Variants in LSAMP observed in about 807,000 individuals in gnomAD.
LSAMP encodes the protein limbic system associated membrane protein.
LSAMP carries 7 observed loss-of-function variants against 38.6 expected under a neutral mutation model. The ratio of observed to expected loss-of-function variants is 0.18; its 90% CI spans 0.10 to 0.34. The LOEUF (loss-of-function observed/expected upper bound fraction) is 0.34. Ranked by LOEUF, LSAMP falls within the 10% of genes least tolerant of loss-of-function variation. LSAMP has a pLI of 1.00. For missense variants in LSAMP, 313 were observed against 420.0 expected (o/e 0.75, Z 2.23); for synonymous variants, 154 against 166.8 (o/e 0.92, Z 0.59).
intron 6 of LSAMP, among the ~76,000 whole-genome samples, chr3:115,817,994 T>A (rs968397773): frequency 5.3e-5 from 8 of 152,170 alleles, no homozygotes; most frequent in African/African-American, 1.7e-4. Flanking sequence ...TGAAAGGCAG[T>A]GTGGAGAATA....
At chr3:116,224,672 C>T (rs914426629) in intron 1 of LSAMP, among the ~76,000 whole-genome samples, 1 of 152,142 alleles carries the variant, frequency 6.6e-6, no homozygotes, top group South Asian at 2.1e-4. Context: ...AATTTAGACA[C>T]CTGAGAGAAA....
chr3:116,230,345 T>A (rs560954427), intron 1 of LSAMP, among the ~76,000 whole-genome samples: 1 of 152,166 alleles, frequency 6.6e-6, no homozygotes, highest in East Asian at 1.9e-4. Flanking sequence ...TTTTAGCACA[T>A]GAGATTGCTT....
At chr3:116,409,558 C>T (rs4831139) in intron 1 of LSAMP, among the ~76,000 whole-genome samples, 14,315 of 151,966 alleles carry the variant, frequency 0.094, 756 homozygotes, top group Middle Eastern at 0.15. Context: ...GCACTAATGG[C>T]GACTGGAAGG....
chr3:115,883,056 TA>T (rs1936362605), intron 3 of LSAMP, among the ~76,000 whole-genome samples: 1 of 152,008 alleles, frequency 6.6e-6, no homozygotes, highest in South Asian at 2.1e-4. Context: ...ATGAAGCAGA[TA>T]GATTGAAGGA....
chr3:116,009,719 C>T (rs754416559), intron 3 of LSAMP, among the ~76,000 whole-genome samples: 40 of 152,042 alleles, frequency 2.6e-4, no homozygotes, highest in Admixed American at 6.6e-4. Context: ...GCTCTTGTAA[C>T]GGGGGCTCCT....
At chr3:115,978,000 C>T (rs1167093126) in intron 3 of LSAMP, among the ~76,000 whole-genome samples, 2 of 152,048 alleles carry the variant, frequency 1.3e-5, no homozygotes, top group Non-Finnish European at 2.9e-5. Context: ...TTCCTCTCTT[C>T]CTCCTCTTCC....
chr3:115,857,241 A>G (rs1935535827), intron 3 of LSAMP, among the ~76,000 whole-genome samples: 1 of 152,172 alleles, frequency 6.6e-6, no homozygotes, highest in South Asian at 2.1e-4. Flanking sequence ...GAGTCACAAA[A>G]TTCTAAAATG....
At chr3:116,200,568 G>C (rs2045974471) in intron 1 of LSAMP, among the ~76,000 whole-genome samples, 1 of 152,154 alleles carries the variant, frequency 6.6e-6, no homozygotes, top group African/African-American at 2.4e-5. Context: ...CCAAACAGGA[G>C]ACACATAGCC....
At chr3:115,907,252 C>T (rs67554622) in intron 3 of LSAMP, among the ~76,000 whole-genome samples, 20,794 of 151,912 alleles carry the variant, frequency 0.14, 1,531 homozygotes, top group Middle Eastern at 0.21. Context: ...GTTTGTGTCC[C>T]GCATAAAATT....
intron 1 of LSAMP, among the ~76,000 whole-genome samples, chr3:116,167,011 T>A (rs938798501): frequency 6.6e-6 from 1 of 152,098 alleles, no homozygotes; most frequent in South Asian, 2.1e-4. Context: ...CAGGATGGTC[T>A]TGATCTCCTG....
intron 3 of LSAMP, among the ~76,000 whole-genome samples, chr3:115,971,121 T>C (rs1939005021): frequency 6.6e-6 from 1 of 152,136 alleles, no homozygotes; most frequent in Non-Finnish European, 1.5e-5. Context: ...AGGCAGCGCA[T>C]ATAGGGCTGG....
At chr3:115,819,211 C>T (rs756100035) in intron 6 of LSAMP, among the ~76,000 whole-genome samples, 1 of 151,850 alleles carries the variant, frequency 6.6e-6, no homozygotes, top group South Asian at 2.1e-4. Flanking sequence ...TTTGGGAGGC[C>T]GAGGTGGGCA....
At chr3:116,213,628 C>T (rs1182980310) in intron 1 of LSAMP, among the ~76,000 whole-genome samples, 1 of 152,104 alleles carries the variant, frequency 6.6e-6, no homozygotes, top group Non-Finnish European at 1.5e-5. Flanking sequence ...TGGAAACAAA[C>T]TAAATAGACA....
chr3:116,238,555 G>A (rs189205937), intron 1 of LSAMP, among the ~76,000 whole-genome samples: 56 of 152,222 alleles, frequency 3.7e-4, no homozygotes, highest in Non-Finnish European at 7.1e-4. Flanking sequence ...CCCAACTTGG[G>A]TGCAATATAT....
rs756149141 is a variant in LSAMP, at chr3:115,874,833, A to G, written c.515-22216T>C. Among the ~76,000 whole-genome samples, 4 of 152,264 alleles carry G rather than the reference A, an allele frequency of 2.6e-5. No individual in the cohort carries two copies. In the South Asian group the frequency reaches 6.2e-4, roughly 24 times the overall value. On this transcript the variant is annotated intron_variant, in intron 3 of 6. Coordinates refer to ENST00000490035, the MANE Select transcript of LSAMP (RefSeq NM_002338.5). ...AGGTTAAGAAGGATCACCTAAGAAA[A>G]AGCCACTGAAGTGGAGATCCAAAGG... is the stretch of plus-strand genomic sequence containing the variant.
At chr3:115,979,340 C>T (rs1227592101) in intron 3 of LSAMP, among the ~76,000 whole-genome samples, 1 of 151,994 alleles carries the variant, frequency 6.6e-6, no homozygotes, top group Non-Finnish European at 1.5e-5. Flanking sequence ...AGTCTAAGGG[C>T]TCTAGTTTAT....
Position 116,240,651 on chromosome 3 carries a change from G to T in LSAMP, c.156-154095C>A, listed in dbSNP as rs189100368. The stretch of plus-strand genomic sequence containing the variant: ...GCACCAATTGTAGAAGTTGCATCAA[G>T]AATTTTTTAACCTCATGTCCATGGA... On this transcript the variant is annotated intron_variant, in intron 1 of 6. Transcript: ENST00000490035. Among the ~76,000 whole-genome samples the T allele has an allele frequency of 9.7e-4, 148 of 152,240 alleles. 1 individual carries two copies. The highest frequency in any genetic ancestry group is 1.9e-3 in the Non-Finnish European group (131 of 68,028).
intron 1 of LSAMP, among the ~76,000 whole-genome samples, chr3:116,136,479 T>C (rs975740935): frequency 6.6e-6 from 1 of 151,878 alleles, no homozygotes; most frequent in Non-Finnish European, 1.5e-5. Context: ...CTGCATTAAA[T>C]TTATTAATTC....
At chr3:116,127,341 A>C (rs896170544) in intron 1 of LSAMP, among the ~76,000 whole-genome samples, 4 of 152,186 alleles carry the variant, frequency 2.6e-5, no homozygotes, top group African/African-American at 9.6e-5. Flanking sequence ...GTCAAAATAT[A>C]TGGATATACT....
Sources: gnomAD v4.1 joint callset for allele counts (sites outside exome capture counted in the v4.1 genomes callset) on GRCh38, gnomAD v4.1.1 for gene constraint, MANE v1.5 for transcripts, NCBI Gene and HGNC (gene_info 2026-07-23, HGNC 2026-07-21) for gene names.